The following ZNF503 variants were observed in gnomAD, a reference collection of about 807,000 sequenced individuals.
The protein encoded by ZNF503 is NocA-like zinc finger 2.
ZNF503 carries 15 observed loss-of-function variants against 34.4 expected under a neutral mutation model. The observed-to-expected ratio is 0.44, with a 90% CI of 0.29 to 0.67. The LOEUF (loss-of-function observed/expected upper bound fraction) is 0.67. Ranked by LOEUF, ZNF503 falls within the 30% of genes least tolerant of loss-of-function variation. The probability of loss-of-function intolerance (pLI) is 0.13; values close to 1 mark genes in which losing one functional copy is unlikely to be tolerated. For missense variants in ZNF503, 1,007 were observed against 926.8 expected (o/e 1.09, Z -1.12); for synonymous variants, 580 against 456.8 (o/e 1.27, Z -3.44).
At chr10:75,385,300 G>A in the ZNF503 span, among the ~76,000 whole-genome samples, 1 of 152,214 alleles carries the variant, frequency 6.6e-6, no homozygotes, top group Admixed American at 6.5e-5. Context: ...AGTGATACTG[G>A]CCTGTCTCAG....
chr10:75,398,658 G>A lies in ZNF503; in HGVS notation c.*91C>T, dbSNP rs1286453450. On this transcript the variant is annotated 3_prime_UTR_variant, in exon 2 of 2. Coordinates refer to ENST00000372524, the MANE Select transcript of ZNF503 (RefSeq NM_032772.6). ...TGGCCCGAGTCCTCCCCACGCGCGG[G>A]TGTCAGCAGCCTGGGCCGTGATCCC... The A allele has an allele frequency of 1.6e-5, 19 of 1,194,096 alleles. No homozygotes were observed. Among genetic ancestry groups the A allele is most frequent in the Non-Finnish European group, 1.9e-5 (18 of 936,370 alleles). 74.0% of individuals were successfully genotyped at this position (1,194,096 alleles called of 1,614,324 possible).
At chr10:75,340,761 G>A in the ZNF503 span, among the ~76,000 whole-genome samples, 6 of 152,048 alleles carry the variant, frequency 3.9e-5, no homozygotes, top group African/African-American at 9.7e-5. Context: ...ACCACGCTGG[G>A]CTAATTTGTT....
the ZNF503 span, among the ~76,000 whole-genome samples, chr10:75,350,779 C>G: frequency 6.6e-6 from 1 of 152,124 alleles, no homozygotes; most frequent in African/African-American, 2.4e-5. Context: ...GTCTTGAACT[C>G]CTGGCCACAA....
At chr10:75,352,171 GC>G in the ZNF503 span, among the ~76,000 whole-genome samples, 10 of 152,200 alleles carry the variant, frequency 6.6e-5, no homozygotes, top group Non-Finnish European at 1.5e-4. Context: ...CACATTTGGA[GC>G]CCCCAAAAGG....
At chr10:75,374,043 G>A in the ZNF503 span, among the ~76,000 whole-genome samples, 1 of 152,224 alleles carries the variant, frequency 6.6e-6, no homozygotes, top group South Asian at 2.1e-4. Context: ...GGCAGGCACG[G>A]TGGCTCACGT....
At chr10:75,372,607 T>C in the ZNF503 span, among the ~76,000 whole-genome samples, 1 of 152,172 alleles carries the variant, frequency 6.6e-6, no homozygotes, top group Non-Finnish European at 1.5e-5. Flanking sequence ...GACAGGATTG[T>C]TTAATGGTTT....
chr10:75,296,045 C>G, the ZNF503 span, among the ~76,000 whole-genome samples: 1 of 152,202 alleles, frequency 6.6e-6, no homozygotes, highest in African/African-American at 2.4e-5. Context: ...TCCTAGTCAA[C>G]AAGACTACAC....
intron 1 of ZNF503, 167 bp downstream of exon 1, chr10:75,400,938 C>T (rs976321775): frequency 2.9e-6 from 3 of 1,024,100 alleles, no homozygotes; most frequent in African/African-American, 3.2e-5. Context: ...CCACTTCCTC[C>T]CCCTTTTCCG....
chr10:75,317,262 G>A, the ZNF503 span, among the ~76,000 whole-genome samples: 10 of 108,326 alleles, frequency 9.2e-5, no homozygotes, highest in African/African-American at 3.1e-4. Context: ...CACATCCCAC[G>A]TCTTTTTTTT....
chr10:75,296,591 G>C, the ZNF503 span: 1 of 152,186 alleles, frequency 6.6e-6, no homozygotes, highest in South Asian at 2.1e-4. Flanking sequence ...CTTTATGAAG[G>C]ACTCCAGCCT....
At chr10:75,302,966 G>A in the ZNF503 span, among the ~76,000 whole-genome samples, 1 of 152,186 alleles carries the variant, frequency 6.6e-6, no homozygotes, top group Non-Finnish European at 1.5e-5. Flanking sequence ...CCCTTTGGTA[G>A]AATTCTAGAG....
chr10:75,355,040 C>G, the ZNF503 span, among the ~76,000 whole-genome samples: 1 of 151,974 alleles, frequency 6.6e-6, no homozygotes, highest in Non-Finnish European at 1.5e-5. Context: ...AGACAGGGTT[C>G]CGCCATGTTG....
In ZNF503 at chr10:75,400,246, G is replaced by A. The variant is rs775180099; in HGVS notation, c.444C>T (p.Gly148=). ...TGTCCTTGTCGCCCGCAGCACCGCC[G>A]CCGGCACCGCCCGCGCCGCCCCCGT... ...ASNGGGAGGA[G]GGAAGDKDTK... Residue 148 remains glycine, a synonymous_variant, in exon 2 of 2, where the codon GGC becomes GGT. Transcript: ENST00000372524. 4.3e-6 allele frequency: 7 copies of A among 1,611,956 alleles called. No homozygotes were observed. Among genetic ancestry groups the A allele is most frequent in the Non-Finnish European group, 5.1e-6 (6 of 1,179,450 alleles).
At chr10:75,332,623 C>G in the ZNF503 span, among the ~76,000 whole-genome samples, 1 of 144,180 alleles carries the variant, frequency 6.9e-6, no homozygotes, top group South Asian at 2.4e-4. Context: ...GACCCTGCGG[C>G]CTTCCGCAGT....
chr10:75,326,179 TA>T, the ZNF503 span, among the ~76,000 whole-genome samples: 1 of 152,268 alleles, frequency 6.6e-6, no homozygotes, highest in Admixed American at 6.5e-5. Context: ...TTTTTTTGTA[TA>T]TTTGCCCTGC....
At chr10:75,389,500 T>C in the ZNF503 span, among the ~76,000 whole-genome samples, 2 of 152,068 alleles carry the variant, frequency 1.3e-5, no homozygotes, top group Admixed American at 1.3e-4. Flanking sequence ...GAGGCTGAGG[T>C]AGGCAGATGA....
At chr10:75,304,602 T>C in the ZNF503 span, among the ~76,000 whole-genome samples, 1 of 152,226 alleles carries the variant, frequency 6.6e-6, no homozygotes, top group Admixed American at 6.5e-5. Flanking sequence ...CTTATGTCAA[T>C]TGTACTTGTC....
chr10:75,401,448 G>T lies in ZNF503; in HGVS notation c.-29C>A, dbSNP rs552779373. On this transcript the variant is annotated 5_prime_UTR_variant, in exon 1 of 2. Coordinates refer to ENST00000372524, the MANE Select transcript of ZNF503 (RefSeq NM_032772.6). ...CCACCCGCGCGCATGGGAGCAGCGG[G>T]GGGGAGGGCTCCGGGAGGCGCGGGG... is the stretch of plus-strand genomic sequence containing the variant. The T allele has an allele frequency of 2.2e-5, 33 of 1,521,062 alleles. No homozygotes were observed. The highest frequency in any genetic ancestry group is 2.6e-5 in the East Asian group (1 of 38,994). 94.2% of individuals were successfully genotyped at this position (1,521,062 alleles called of 1,614,324 possible). A position where few individuals can be genotyped will look rare whatever the true frequency, so the allele number is the denominator to read the frequency against.
the ZNF503 span, among the ~76,000 whole-genome samples, chr10:75,363,400 G>A: frequency 3.0e-4 from 45 of 152,242 alleles, no homozygotes; most frequent in African/African-American, 1.0e-3. Flanking sequence ...CTCAGAGACC[G>A]GAGATGCCCC....
Sources: allele counts gnomAD v4.1 joint callset (sites outside exome capture counted in the v4.1 genomes callset), GRCh38; gene constraint gnomAD v4.1.1; transcripts MANE v1.5; gene names NCBI Gene and HGNC (gene_info 2026-07-23, HGNC 2026-07-21).